Variants in CNTNAP2 observed in about 807,000 individuals in gnomAD.
CNTNAP2 encodes the protein contactin-associated protein-like 2.
Under a neutral mutation model 155.2 loss-of-function variants are expected in CNTNAP2, and 98 were observed. The ratio of observed to expected loss-of-function variants is 0.63; its 90% CI spans 0.54 to 0.75. The LOEUF (loss-of-function observed/expected upper bound fraction) is 0.75, where lower values mean the gene tolerates loss of function less well. Among genes scored for constraint, CNTNAP2 ranks in the 30% least tolerant of loss-of-function variants. The pLI is 0.00. For missense variants in CNTNAP2, 1,727 were observed against 1,688.1 expected (o/e 1.02, Z -0.40); for synonymous variants, 651 against 631.2 (o/e 1.03, Z -0.47).
intron 5 of CNTNAP2, among the ~76,000 whole-genome samples, chr7:147,119,779 GGAAA>G (rs1341253845): frequency 2.0e-5 from 3 of 151,374 alleles, no homozygotes; most frequent in South Asian, 2.1e-4. Context: ...AAAGAAAGAA[GGAAA>G]GGAAGGAAGG....
intron 20 of CNTNAP2, among the ~76,000 whole-genome samples, chr7:148,248,431 T>C (rs1027751374): frequency 2.6e-5 from 4 of 152,144 alleles, no homozygotes; most frequent in African/African-American, 9.7e-5. Context: ...ACTCCTGACC[T>C]CATGATCTGC....
At chr7:146,298,903 G>T (rs181895505) in intron 1 of CNTNAP2, among the ~76,000 whole-genome samples, 1 of 152,114 alleles carries the variant, frequency 6.6e-6, no homozygotes, top group South Asian at 2.1e-4. Context: ...CTCCATTTGA[G>T]CTCAGATTTA....
chr7:147,521,221 G>T (rs370218905), intron 11 of CNTNAP2, among the ~76,000 whole-genome samples: 4 of 152,066 alleles, frequency 2.6e-5, no homozygotes, highest in African/African-American at 7.2e-5. Flanking sequence ...CCATTAATTT[G>T]CCTGCTTCGG....
chr7:146,555,855 C>T (rs748551597), intron 1 of CNTNAP2, among the ~76,000 whole-genome samples: 6 of 152,114 alleles, frequency 3.9e-5, no homozygotes, highest in Non-Finnish European at 5.9e-5. Flanking sequence ...CCAACATACA[C>T]ATTTTTTTTC....
intron 2 of CNTNAP2, among the ~76,000 whole-genome samples, chr7:146,790,552 C>T (rs377587696): frequency 2.0e-5 from 3 of 150,246 alleles, no homozygotes; most frequent in African/African-American, 7.4e-5. Flanking sequence ...ATCTTATCTT[C>T]GTGATTTGGT....
intron 3 of CNTNAP2, among the ~76,000 whole-genome samples, chr7:146,943,427 G>A (rs1252025582): frequency 6.6e-6 from 1 of 152,172 alleles, no homozygotes; most frequent in Non-Finnish European, 1.5e-5. Flanking sequence ...GGGAGACAGA[G>A]GTTGCAGTGA....
At chr7:147,216,715 C>A (rs191776175) in intron 8 of CNTNAP2, among the ~76,000 whole-genome samples, 401 of 152,110 alleles carry the variant, frequency 2.6e-3, no homozygotes, top group African/African-American at 9.0e-3. Flanking sequence ...ATTTCTACAA[C>A]ATAATTTGCT....
chr7:148,415,347 G>T, intron 23 of CNTNAP2, 70 bp from the exon 24 acceptor site: 1 of 1,511,038 alleles, frequency 6.6e-7, no homozygotes, highest in Non-Finnish European at 9.1e-7. Flanking sequence ...GAGCTGTAGT[G>T]AAGTGGGGAC....
In CNTNAP2 at chr7:148,221,398, G is replaced by A. The variant is rs547428489; in HGVS notation, c.3247+3874G>A. ...CTGGGGTTTCTCAGCCTGGGTGTCC[G>A]ATTCCAGACCCAAAGCTCCCCACCG... On this transcript the variant is annotated intron_variant, in intron 19 of 23. Coordinates refer to ENST00000361727, the MANE Select transcript of CNTNAP2 (RefSeq NM_014141.6). 4.4e-4 allele frequency among the ~76,000 whole-genome samples: 67 copies of A among 152,170 alleles called. No individual in the cohort carries two copies. In the South Asian group the frequency reaches 7.9e-3, roughly 18 times the overall value.
intron 1 of CNTNAP2, among the ~76,000 whole-genome samples, chr7:146,661,943 C>T (rs1166472275): frequency 1.3e-5 from 2 of 152,034 alleles, no homozygotes; most frequent in African/African-American, 2.4e-5. Flanking sequence ...GTTTTAGCTG[C>T]TTTGCATATT....
chr7:146,900,089 C>T (rs963089919), intron 3 of CNTNAP2, among the ~76,000 whole-genome samples: 4 of 152,156 alleles, frequency 2.6e-5, no homozygotes, highest in Non-Finnish European at 5.9e-5. Flanking sequence ...TTCAGTACTA[C>T]TTGTTGTTAA....
chr7:146,992,315 T>C (rs1798222910), intron 3 of CNTNAP2, among the ~76,000 whole-genome samples: 3 of 151,670 alleles, frequency 2.0e-5, no homozygotes. Context: ...TATTTTCCTA[T>C]TGCCAGGTCA....
chr7:147,799,159 C>T (rs981326999), intron 13 of CNTNAP2, among the ~76,000 whole-genome samples: 2 of 152,098 alleles, frequency 1.3e-5, no homozygotes, highest in African/African-American at 4.8e-5. Flanking sequence ...GTCACTTCTC[C>T]TCAGGGAAGA....
At chr7:148,181,860 C>T (rs979427874) in intron 18 of CNTNAP2, among the ~76,000 whole-genome samples, 14 of 147,402 alleles carry the variant, frequency 9.5e-5, no homozygotes, top group African/African-American at 3.5e-4. Context: ...CGGGTTCACG[C>T]CATTCTCCTG....
intron 9 of CNTNAP2, among the ~76,000 whole-genome samples, chr7:147,357,423 T>C (rs1405360556): frequency 6.6e-6 from 1 of 152,070 alleles, no homozygotes; most frequent in Non-Finnish European, 1.5e-5. Flanking sequence ...AAGCTGTTGC[T>C]CCTCTTCATG....
intron 3 of CNTNAP2, among the ~76,000 whole-genome samples, chr7:146,917,204 T>G (rs1796411360): frequency 6.6e-6 from 1 of 152,166 alleles, no homozygotes; most frequent in Non-Finnish European, 1.5e-5. Flanking sequence ...ATTTTGATTT[T>G]CTTAAATTTG....
intron 1 of CNTNAP2, among the ~76,000 whole-genome samples, chr7:146,515,208 T>C (rs546169558): frequency 2.6e-5 from 4 of 152,050 alleles, no homozygotes; most frequent in Non-Finnish European, 5.9e-5. Flanking sequence ...CTACTTTCTT[T>C]TTTTCCTCCT....
chr7:147,234,586 G>T (rs1005601099), intron 8 of CNTNAP2, among the ~76,000 whole-genome samples: 18 of 151,962 alleles, frequency 1.2e-4, no homozygotes, highest in African/African-American at 4.1e-4. Flanking sequence ...TGATGTGCCC[G>T]CCTCAGCCTC....
At chr7:146,136,471 C>T (rs760987887) in intron 1 of CNTNAP2, among the ~76,000 whole-genome samples, 2 of 152,022 alleles carry the variant, frequency 1.3e-5, no homozygotes, top group Non-Finnish European at 2.9e-5. Context: ...TGGTTGAGGT[C>T]GGGAAGTCAG....
Sources: gnomAD v4.1 joint callset for allele counts (sites outside exome capture counted in the v4.1 genomes callset) on GRCh38, gnomAD v4.1.1 for gene constraint, MANE v1.5 for transcripts, NCBI Gene and HGNC (gene_info 2026-07-23, HGNC 2026-07-21) for gene names.